The following CSMD1 variants were observed in gnomAD, a reference collection of about 807,000 sequenced individuals.
CSMD1 encodes CUB and Sushi multiple domains 1, also known as CUB and sushi domain-containing protein 1.
In CSMD1, 213 loss-of-function variants were observed where a neutral mutation model predicts 417.5. That is an observed-to-expected ratio of 0.51 (90% CI 0.46 to 0.57). The LOEUF is 0.57. CSMD1 is among the 20% of genes least tolerant of loss of function. The pLI is 0.00. For synonymous variants in CSMD1, 2,862 were observed against 1,736.8 expected (o/e 1.65, Z -16.11); for missense variants, 6,923 against 4,529.7 (o/e 1.53, Z -15.17).
chr8:3,878,666 C>A (rs893385931), intron 5 of CSMD1, among the ~76,000 whole-genome samples: 1 of 152,274 alleles, frequency 6.6e-6, no homozygotes, highest in South Asian at 2.1e-4. Flanking sequence ...TAAGTAGTTT[C>A]ATATTCAACT....
chr8:4,519,119 C>T (rs764199905), intron 2 of CSMD1, among the ~76,000 whole-genome samples: 23 of 152,056 alleles, frequency 1.5e-4, no homozygotes, highest in Admixed American at 3.3e-4. Context: ...CTGTTTGCGA[C>T]GCTAATAGTA....
chr8:4,816,327 G>T (rs1186639816), intron 1 of CSMD1, among the ~76,000 whole-genome samples: 1 of 152,062 alleles, frequency 6.6e-6, no homozygotes, highest in Admixed American at 6.6e-5. Context: ...TGGGATTACA[G>T]GCAAGCATCA....
intron 1 of CSMD1, among the ~76,000 whole-genome samples, chr8:4,681,649 G>A (rs1806059710): frequency 1.3e-5 from 2 of 152,230 alleles, no homozygotes; most frequent in South Asian, 4.1e-4. Flanking sequence ...TTGCTGGCAC[G>A]TCAATCCTGC....
At chr8:4,841,188 C>G (rs1398225371) in intron 1 of CSMD1, among the ~76,000 whole-genome samples, 1 of 152,192 alleles carries the variant, frequency 6.6e-6, no homozygotes, top group African/African-American at 2.4e-5. Context: ...CTTGCAAAAG[C>G]AAATATTATA....
chr8:4,409,518 A>C (rs1796528281), intron 3 of CSMD1, among the ~76,000 whole-genome samples: 1 of 152,186 alleles, frequency 6.6e-6, no homozygotes, highest in South Asian at 2.1e-4. Context: ...ACCCTAACCA[A>C]AATATGTAAC....
At chr8:4,504,064 G>A (rs1461411531) in intron 2 of CSMD1, among the ~76,000 whole-genome samples, 2 of 152,020 alleles carry the variant, frequency 1.3e-5, no homozygotes, top group East Asian at 3.9e-4. Context: ...AACAGTGGAG[G>A]TACAGAAAAA....
At chr8:4,023,148 C>G (rs1045294513) in intron 4 of CSMD1, among the ~76,000 whole-genome samples, 1 of 152,116 alleles carries the variant, frequency 6.6e-6, no homozygotes, top group African/African-American at 2.4e-5. Flanking sequence ...GAGGAACTGC[C>G]CATCACAACT....
In CSMD1 at chr8:3,057,775, G is replaced by A. The variant is rs112159340; in HGVS notation, c.7475-5128C>T. Among the ~76,000 whole-genome samples the A allele has an allele frequency of 8.7e-3, 1,327 of 152,188 alleles. 19 individuals are homozygous for A. The highest frequency in any genetic ancestry group is 0.028 in the African/African-American group (1,183 of 41,516). On this transcript the variant is annotated intron_variant, in intron 49 of 69. Transcript: ENST00000635120. The stretch of plus-strand genomic sequence containing the variant: ...TCTCATCCCATTACTAAAGATGCCC[G>A]GACTATTGTGATTATGTATTTTCAA...
chr8:4,644,885 G>C (rs1024991156), intron 1 of CSMD1, among the ~76,000 whole-genome samples: 1 of 152,172 alleles, frequency 6.6e-6, no homozygotes, highest in Non-Finnish European at 1.5e-5. Flanking sequence ...ACATTCAATT[G>C]TTGAAGCCTG....
intron 5 of CSMD1, among the ~76,000 whole-genome samples, chr8:3,800,569 T>G (rs1260268942): frequency 6.6e-6 from 1 of 152,132 alleles, no homozygotes; most frequent in Non-Finnish European, 1.5e-5. Context: ...TATGGTTGTC[T>G]CCACCAAAAC....
intron 12 of CSMD1, among the ~76,000 whole-genome samples, chr8:3,450,284 T>C (rs1322664881): frequency 6.6e-6 from 1 of 151,716 alleles, no homozygotes; most frequent in African/African-American, 2.4e-5. Flanking sequence ...TTCCTACCCA[T>C]ACACATGGTT....
chr8:4,229,480 C>G (rs528112404), intron 3 of CSMD1, among the ~76,000 whole-genome samples: 1 of 152,292 alleles, frequency 6.6e-6, no homozygotes, highest in Admixed American at 6.5e-5. Flanking sequence ...AAGCACTTAC[C>G]AAAGAAAGAA....
At chr8:3,959,737 G>A (rs13264168) in intron 5 of CSMD1, among the ~76,000 whole-genome samples, 3,951 of 152,214 alleles carry the variant, frequency 0.026, 71 homozygotes, top group South Asian at 0.045. Flanking sequence ...AACTGCAGCG[G>A]GAACACACTC....
chr8:4,898,582 T>A (rs1344096695), intron 1 of CSMD1, among the ~76,000 whole-genome samples: 1 of 152,206 alleles, frequency 6.6e-6, no homozygotes, highest in Non-Finnish European at 1.5e-5. Flanking sequence ...ACAAATCATA[T>A]CCTAGTTCTT....
chr8:4,576,355 G>T (rs571102980), intron 2 of CSMD1, among the ~76,000 whole-genome samples: 30 of 152,298 alleles, frequency 2.0e-4, no homozygotes, highest in South Asian at 1.0e-3. Context: ...CTCTTCAGGG[G>T]AGAGTCAGAG....
intron 4 of CSMD1, among the ~76,000 whole-genome samples, chr8:4,005,866 A>G (rs1816070348): frequency 6.6e-6 from 1 of 152,242 alleles, no homozygotes; most frequent in Admixed American, 6.5e-5. Context: ...CCTGGTCCCC[A>G]TGAACAGGAG....
intron 3 of CSMD1, among the ~76,000 whole-genome samples, chr8:4,152,620 G>A (rs932478476): frequency 6.6e-6 from 1 of 151,900 alleles, no homozygotes; most frequent in African/African-American, 2.4e-5. Context: ...AGCCTAGGAG[G>A]TCAAGGCTGC....
At chr8:4,246,633 T>C (rs1802728956) in intron 3 of CSMD1, among the ~76,000 whole-genome samples, 1 of 152,208 alleles carries the variant, frequency 6.6e-6, no homozygotes, top group Non-Finnish European at 1.5e-5. Context: ...CAGAAATGAA[T>C]TTCTGCAAAT....
chr8:4,014,662 C>G (rs1175706834), intron 4 of CSMD1, among the ~76,000 whole-genome samples: 1 of 152,200 alleles, frequency 6.6e-6, no homozygotes, highest in Admixed American at 6.5e-5. Flanking sequence ...AAGAAAAGAG[C>G]TCGTCTGAGC....
Sources: allele counts gnomAD v4.1 joint callset (sites outside exome capture counted in the v4.1 genomes callset), GRCh38; gene constraint gnomAD v4.1.1; transcripts MANE v1.5; gene names NCBI Gene and HGNC (gene_info 2026-07-23, HGNC 2026-07-21).